RNF150: variants seen among roughly 807,000 people sequenced by gnomAD.
RNF150 encodes the protein ring finger protein 150.
Under a neutral mutation model 39.3 loss-of-function variants are expected in RNF150, and 24 were observed. That is an observed-to-expected ratio of 0.61 (90% confidence interval 0.44 to 0.86). RNF150 has a LOEUF of 0.86. Ranked by LOEUF, RNF150 falls within the 40% of genes least tolerant of loss-of-function variation. The pLI is 0.00. For synonymous variants in RNF150, 255 were observed against 227.3 expected, an observed-to-expected ratio of 1.12 and a Z score of -1.10; for missense variants, 502 against 587.8, an observed-to-expected ratio of 0.85 and a Z score of 1.51.
chr4:140,982,515 C>CT (rs35925074), intron 1 of RNF150, among the ~76,000 whole-genome samples: 66,363 of 132,846 alleles, frequency 0.5, 19,806 homozygotes, highest in Non-Finnish European at 0.65. Context: ...GTAGCACAGA[C>CT]TTTTTTTTTT....
chr4:140,982,509 C>T (rs916837083), intron 1 of RNF150, among the ~76,000 whole-genome samples: 45 of 142,548 alleles, frequency 3.2e-4, no homozygotes, highest in African/African-American at 1.1e-3. Flanking sequence ...AAGTATGTAG[C>T]ACAGACTTTT....
intron 5 of RNF150, among the ~76,000 whole-genome samples, chr4:140,912,978 A>C (rs1438007590): frequency 2.6e-5 from 3 of 116,294 alleles, no homozygotes; most frequent in African/African-American, 6.2e-5. Context: ...AAAAAAAAAA[A>C]AAAAAACACC....
upstream of RNF150, among the ~76,000 whole-genome samples, chr4:141,135,584 G>A (rs976053619): frequency 6.6e-6 from 1 of 152,216 alleles, no homozygotes; most frequent in South Asian, 2.1e-4. Context: ...ACAGAAAAAT[G>A]ATGGAGTAAA....
chr4:140,907,074 GCTGT>G (rs1409659681), intron 6 of RNF150, among the ~76,000 whole-genome samples: 1 of 152,132 alleles, frequency 6.6e-6, no homozygotes, highest in Non-Finnish European at 1.5e-5. Context: ...AACATACAGG[GCTGT>G]CTGTTTCGCT....
chr4:140,868,163 T>C lies in RNF150; in HGVS notation c.*98A>G. 1.4e-6 allele frequency: 1 copy of C among 723,742 alleles called. No individual in the cohort carries two copies. The highest frequency in any genetic ancestry group is 2.5e-6 in the Non-Finnish European group (1 of 404,528). 44.8% of individuals were successfully genotyped at this position (723,742 alleles called of 1,614,324 possible). On this transcript the variant is annotated 3_prime_UTR_variant, in exon 7 of 7. Transcript: ENST00000515673. Reference sequence around the variant, plus strand: ...ACGGAGCGCCCTGGAGTTGCCAAGGTGATCTGGAGGTGTGTGTGTGCCTGG... The same window carrying C: ...ACGGAGCGCCCTGGAGTTGCCAAGGCGATCTGGAGGTGTGTGTGTGCCTGG...
At chr4:141,074,066 A>G (rs1737806160) in intron 1 of RNF150, among the ~76,000 whole-genome samples, 1 of 152,142 alleles carries the variant, frequency 6.6e-6, no homozygotes, top group African/African-American at 2.4e-5. Context: ...AGGTATAACC[A>G]ATATATATGG....
chr4:141,154,181 G>A (rs1727345761), intron 1 of RNF150, among the ~76,000 whole-genome samples: 1 of 152,182 alleles, frequency 6.6e-6, no homozygotes, highest in African/African-American at 2.4e-5. Flanking sequence ...ACAACAGGAG[G>A]AGCTCTGCTG....
At chr4:140,995,674 T>G (rs369698459) in intron 1 of RNF150, among the ~76,000 whole-genome samples, 2 of 152,288 alleles carry the variant, frequency 1.3e-5, no homozygotes, top group East Asian at 3.9e-4. Flanking sequence ...CTCATCTCCA[T>G]GAGTTCAGTT....
intron 1 of RNF150, among the ~76,000 whole-genome samples, chr4:141,128,303 T>C (rs535181504): frequency 1.3e-5 from 2 of 152,324 alleles, no homozygotes; most frequent in African/African-American, 4.8e-5. Flanking sequence ...AATCGAGGTA[T>C]GGTGTTATCC....
intron 2 of RNF150, among the ~76,000 whole-genome samples, chr4:140,954,378 G>A (rs1732664352): frequency 6.6e-6 from 1 of 151,824 alleles, no homozygotes; most frequent in Non-Finnish European, 1.5e-5. Context: ...CTGCACCCAG[G>A]TAATTTTTGT....
chr4:141,076,890 C>T lies in RNF150; in HGVS notation c.484+55435G>A, dbSNP rs145156431. Among the ~76,000 whole-genome samples the T allele has an allele frequency of 2.3e-4, 35 of 152,088 alleles. 1 individual carries two copies. Among genetic ancestry groups the T allele is most frequent in the African/African-American group, 6.5e-4 (27 of 41,490 alleles). ...AGGGCAGTTTCTCGCATGGTCTAGACGATCCTGTTTGCAGGGCAGCTTTGA... is the reference window on the plus strand; with the variant it reads ...AGGGCAGTTTCTCGCATGGTCTAGATGATCCTGTTTGCAGGGCAGCTTTGA... On this transcript the variant is annotated intron_variant, in intron 1 of 6. Transcript: ENST00000515673.
intron 1 of RNF150, among the ~76,000 whole-genome samples, chr4:141,052,013 C>T (rs1442412079): frequency 6.6e-6 from 1 of 152,136 alleles, no homozygotes; most frequent in Non-Finnish European, 1.5e-5. Flanking sequence ...GACTAAGTCA[C>T]ATCTTAAGTG....
intron 6 of RNF150, among the ~76,000 whole-genome samples, chr4:140,908,203 T>C (rs1730465576): frequency 1.3e-5 from 2 of 152,230 alleles, no homozygotes; most frequent in African/African-American, 4.8e-5. Context: ...TGTTTGTTCA[T>C]TTATTAATTA....
chr4:140,975,154 C>A (rs1733616096), intron 1 of RNF150, among the ~76,000 whole-genome samples: 1 of 151,966 alleles, frequency 6.6e-6, no homozygotes, highest in South Asian at 2.1e-4. Context: ...TACTTGGGAG[C>A]CTGAGGTGGG....
intron 1 of RNF150, among the ~76,000 whole-genome samples, chr4:141,186,317 T>C (rs1036178790): frequency 6.6e-6 from 1 of 152,226 alleles, no homozygotes; most frequent in African/African-American, 2.4e-5. Flanking sequence ...ATTATTTGCA[T>C]AGAGGTGTTC....
intron 4 of RNF150, among the ~76,000 whole-genome samples, chr4:140,936,782 A>G (rs1731878183): frequency 6.6e-6 from 1 of 152,198 alleles, no homozygotes; most frequent in African/African-American, 2.4e-5. Context: ...CCTATCTAAA[A>G]TTAGGAAACA....
intron 6 of RNF150, among the ~76,000 whole-genome samples, chr4:140,897,285 T>G (rs567551708): frequency 6.6e-6 from 1 of 152,334 alleles, no homozygotes; most frequent in South Asian, 2.1e-4. Flanking sequence ...TTAGAATGTG[T>G]GCATTGTCTT....
chr4:140,955,126 T>C (rs1732701201), intron 2 of RNF150, among the ~76,000 whole-genome samples: 1 of 152,200 alleles, frequency 6.6e-6, no homozygotes, highest in Non-Finnish European at 1.5e-5. Context: ...TGCACTCTAA[T>C]ACATAATAAT....
intron 1 of RNF150, among the ~76,000 whole-genome samples, chr4:141,212,218 G>A (rs1453559078): frequency 6.6e-6 from 1 of 152,154 alleles, no homozygotes; most frequent in Non-Finnish European, 1.5e-5. Context: ...ATCTCCAACA[G>A]CCGGGTAGCA....
Sources: gnomAD v4.1 joint callset for allele counts (sites outside exome capture counted in the v4.1 genomes callset) on GRCh38, gnomAD v4.1.1 for gene constraint, MANE v1.5 for transcripts, NCBI Gene and HGNC (gene_info 2026-07-23, HGNC 2026-07-21) for gene names.